The following SHOC1 variants were observed in gnomAD, a reference collection of about 807,000 sequenced individuals.
SHOC1 encodes the protein shortage in chiasmata 1, also known as protein shortage in chiasmata 1 ortholog.
Under a neutral mutation model 179.2 loss-of-function variants are expected in SHOC1, and 136 were observed. The observed-to-expected ratio is 0.76, with a 90% CI of 0.66 to 0.87. The LOEUF (loss-of-function observed/expected upper bound fraction) is 0.87. Among genes scored for constraint, SHOC1 ranks in the 40% least tolerant of loss-of-function variants. The probability of loss-of-function intolerance (pLI) is 0.00; values close to 1 mark genes in which losing one functional copy is unlikely to be tolerated. For synonymous variants in SHOC1, 489 were observed against 586.6 expected, an observed-to-expected ratio of 0.83 and a Z score of 2.41; for missense variants, 1,538 against 1,700.8, an observed-to-expected ratio of 0.90 and a Z score of 1.68.
In SHOC1 at chr9:111,780,980, T is replaced by G; in HGVS notation, c.207A>C (p.Ser69=). The change falls in exon 4 of 28, where the codon TCA becomes TCC. Residue 69 remains serine, a synonymous_variant. Transcript: ENST00000682961. The part of the protein sequence containing the change: ...AVSVPGMTDT[S]VLDQWKASFF... ...AACTTGCTTTCCATTGGTCCAAGAC[T>G]GAGGTATCTGTCATTCCCGGAACTG... The G allele has an allele frequency of 6.2e-7, 1 of 1,613,666 alleles. No individual in the cohort carries two copies. Among genetic ancestry groups the G allele is most frequent in the Non-Finnish European group, 8.5e-7 (1 of 1,179,744 alleles).
intron 14 of SHOC1, among the ~76,000 whole-genome samples, chr9:111,722,896 G>T (rs1429351499): frequency 6.6e-6 from 1 of 152,084 alleles, no homozygotes; most frequent in Non-Finnish European, 1.5e-5. Flanking sequence ...CCGTCTCCCG[G>T]ATTCAAGCTA....
At chr9:111,714,659 ATTTGTTT>A (rs751246245) in intron 16 of SHOC1, 36 bp from the exon 17 acceptor site, 1 of 1,558,758 alleles carries the variant, frequency 6.4e-7, no homozygotes, top group South Asian at 1.2e-5. Context: ...TTGTCTAAGT[ATTTGTTT>A]TTTAAGAAAC....
intron 12 of SHOC1, among the ~76,000 whole-genome samples, chr9:111,731,095 G>T (rs1833547457): frequency 6.6e-6 from 1 of 152,166 alleles, no homozygotes; most frequent in South Asian, 2.1e-4. Context: ...AGAATCAAAA[G>T]GAGTTAGAGC....
chr9:111,693,526 T>A (rs1831544419), intron 26 of SHOC1, among the ~76,000 whole-genome samples: 1 of 150,042 alleles, frequency 6.7e-6, no homozygotes, highest in Non-Finnish European at 1.5e-5. Flanking sequence ...TCTCTTGAAC[T>A]TGGGAGGTGG....
chr9:111,732,918 G>C (rs1461749044), intron 12 of SHOC1, among the ~76,000 whole-genome samples: 1 of 152,190 alleles, frequency 6.6e-6, no homozygotes, highest in Non-Finnish European at 1.5e-5. Flanking sequence ...AATAGGTGCA[G>C]TCTTCCTGCA....
intron 18 of SHOC1, among the ~76,000 whole-genome samples, chr9:111,710,797 A>G (rs1832509195): frequency 6.6e-6 from 1 of 152,152 alleles, no homozygotes; most frequent in African/African-American, 2.4e-5. Flanking sequence ...TTCCTAACAA[A>G]GGGGGAAGAA....
intron 17 of SHOC1, among the ~76,000 whole-genome samples, chr9:111,714,026 T>G (rs1213719679): frequency 6.6e-6 from 1 of 152,114 alleles, no homozygotes; most frequent in Admixed American, 6.6e-5. Context: ...GTTTGTTTAT[T>G]TATTTAGAGA....
chr9:111,725,198 T>G (rs937474198), intron 13 of SHOC1, among the ~76,000 whole-genome samples: 5 of 152,146 alleles, frequency 3.3e-5, no homozygotes. Flanking sequence ...CATAACTAAT[T>G]AGAATAGATA....
At chr9:111,734,611 T>A (rs1833737023) in intron 12 of SHOC1, among the ~76,000 whole-genome samples, 1 of 152,200 alleles carries the variant, frequency 6.6e-6, no homozygotes, top group Non-Finnish European at 1.5e-5. Flanking sequence ...GAAAGCAGAT[T>A]TTCTTAGGTT....
At chr9:111,779,110 A>G (rs1341349328) in intron 4 of SHOC1, among the ~76,000 whole-genome samples, 3 of 100,224 alleles carry the variant, frequency 3.0e-5, no homozygotes, top group Non-Finnish European at 4.0e-5. Context: ...AAAAAAAAAA[A>G]AAAAAGAGAG....
chr9:111,731,465 G>A (rs1257261876), intron 12 of SHOC1, among the ~76,000 whole-genome samples: 7 of 152,106 alleles, frequency 4.6e-5, no homozygotes, highest in Non-Finnish European at 1.0e-4. Context: ...GTTGTGTCTC[G>A]ACAGACATAG....
chr9:111,781,744 A>AT (rs1254857955), intron 3 of SHOC1, among the ~76,000 whole-genome samples: 125 of 151,242 alleles, frequency 8.3e-4, no homozygotes, highest in African/African-American at 2.2e-3. Flanking sequence ...AAATAAATAA[A>AT]TAAATAAATT....
intron 3 of SHOC1, among the ~76,000 whole-genome samples, chr9:111,782,539 C>T (rs1836106161): frequency 6.6e-6 from 1 of 152,088 alleles, no homozygotes; most frequent in Non-Finnish European, 1.5e-5. Context: ...CTACTCTACA[C>T]TTTCTGTGTA....
intron 3 of SHOC1, among the ~76,000 whole-genome samples, chr9:111,784,728 G>A (rs1836198570): frequency 6.6e-6 from 1 of 152,128 alleles, no homozygotes; most frequent in Non-Finnish European, 1.5e-5. Context: ...TTTGGAGGCT[G>A]GGAGGTCCAA....
At chr9:111,687,674 C>T (rs1831237676) in intron 27 of SHOC1, among the ~76,000 whole-genome samples, 1 of 152,130 alleles carries the variant, frequency 6.6e-6, no homozygotes, top group African/African-American at 2.4e-5. Context: ...AAAACAAAGA[C>T]ATATTGCCTG....
chr9:111,780,859 AG>A, intron 4 of SHOC1, 70 bp downstream of exon 4: 1 of 1,011,074 alleles, frequency 9.9e-7, no homozygotes, highest in Non-Finnish European at 1.5e-6. Flanking sequence ...TTCCCTCTTT[AG>A]GTATCTGGAG....
At chr9:111,719,341 T>G (rs1054060181) in intron 15 of SHOC1, among the ~76,000 whole-genome samples, 2 of 152,188 alleles carry the variant, frequency 1.3e-5, no homozygotes, top group African/African-American at 2.4e-5. Flanking sequence ...TAACAACTAT[T>G]CACTTGCTCG....
At chr9:111,707,719 A>C in intron 19 of SHOC1, 136 bp downstream of exon 19, 1 of 621,538 alleles carries the variant, frequency 1.6e-6, no homozygotes, top group Admixed American at 3.1e-5. Flanking sequence ...TATGTAAAGC[A>C]TTTTTCAGGA....
At chr9:111,704,599 A>G (rs1029788996) in intron 21 of SHOC1, among the ~76,000 whole-genome samples, 9 of 152,180 alleles carry the variant, frequency 5.9e-5, no homozygotes, top group Non-Finnish European at 7.3e-5. Context: ...GCCTTAATGC[A>G]TAAAAACAAA....
Sources: allele counts gnomAD v4.1 joint callset (sites outside exome capture counted in the v4.1 genomes callset), GRCh38; gene constraint gnomAD v4.1.1; transcripts MANE v1.5; gene names NCBI Gene and HGNC (gene_info 2026-07-23, HGNC 2026-07-21).